The following LUZP2 variants were observed in gnomAD, a reference collection of about 807,000 sequenced individuals.
LUZP2 encodes leucine zipper protein 2.
Under a neutral mutation model 51.6 loss-of-function variants are expected in LUZP2, and 52 were observed. The observed-to-expected ratio is 1.01, with a 90% CI of 0.81 to 1.27. The LOEUF is 1.27. LUZP2 is among the 50% of genes most tolerant of loss of function. LUZP2 has a pLI of 0.00. For missense variants in LUZP2, 436 were observed against 395.4 expected, an observed-to-expected ratio of 1.10 and a Z score of -0.87; for synonymous variants, 154 against 137.3, an observed-to-expected ratio of 1.12 and a Z score of -0.85.
intron 5 of LUZP2, among the ~76,000 whole-genome samples, chr11:24,793,329 A>G (rs1431135608): frequency 6.6e-6 from 1 of 152,148 alleles, no homozygotes; most frequent in Non-Finnish European, 1.5e-5. Context: ...ACTTATTTCT[A>G]AACAATTCTG....
At chr11:24,548,613 T>C (rs1030402988) in intron 1 of LUZP2, among the ~76,000 whole-genome samples, 13 of 151,962 alleles carry the variant, frequency 8.6e-5, no homozygotes. Flanking sequence ...ATGCTTATTA[T>C]CTGGGTGACA....
chr11:24,519,911 C>T (rs760189179), intron 1 of LUZP2, among the ~76,000 whole-genome samples: 33 of 152,096 alleles, frequency 2.2e-4, no homozygotes, highest in Non-Finnish European at 2.9e-4. Context: ...AGCACAGTAC[C>T]TTTGTTCCTC....
intron 6 of LUZP2, among the ~76,000 whole-genome samples, chr11:24,906,860 C>T (rs550799660): frequency 3.3e-5 from 5 of 152,100 alleles, no homozygotes; most frequent in African/African-American, 1.2e-4. Context: ...ATGTCTTATA[C>T]CTAAGATGTA....
chr11:25,001,186 T>G (rs1442874489), intron 9 of LUZP2, among the ~76,000 whole-genome samples: 1 of 152,196 alleles, frequency 6.6e-6, no homozygotes, highest in Non-Finnish European at 1.5e-5. Flanking sequence ...TAATAAGACC[T>G]CATTCAGTCC....
intron 10 of LUZP2, 112 bp downstream of exon 10, chr11:25,050,242 A>G (rs1321377779): frequency 5.2e-6 from 2 of 388,132 alleles, no homozygotes; most frequent in Non-Finnish European, 9.1e-6. Flanking sequence ...AATATCTACT[A>G]TCTAAGGATT....
chr11:25,068,111 A>G (rs1331371088), intron 10 of LUZP2, among the ~76,000 whole-genome samples: 2 of 152,042 alleles, frequency 1.3e-5, no homozygotes. Context: ...TGGAAGTTGA[A>G]CAATGAGAAC....
At chr11:24,822,657 G>T (rs1023576132) in intron 5 of LUZP2, among the ~76,000 whole-genome samples, 7 of 152,064 alleles carry the variant, frequency 4.6e-5, no homozygotes, top group African/African-American at 1.7e-4. Flanking sequence ...TTTGTCCAGG[G>T]TCTCAGCATT....
At chr11:24,866,903 G>A (rs1326413608) in intron 5 of LUZP2, among the ~76,000 whole-genome samples, 2 of 152,104 alleles carry the variant, frequency 1.3e-5, no homozygotes, top group African/African-American at 4.8e-5. Flanking sequence ...ACAGGAGTTC[G>A]GTGGGAGATG....
At chr11:24,842,471 T>C (rs1490838541) in intron 5 of LUZP2, among the ~76,000 whole-genome samples, 2 of 151,898 alleles carry the variant, frequency 1.3e-5, no homozygotes, top group African/African-American at 4.8e-5. Context: ...TCTTTAGCAA[T>C]GTACACTATA....
intron 11 of LUZP2, among the ~76,000 whole-genome samples, chr11:25,077,741 C>T (rs1345330535): frequency 6.6e-6 from 1 of 152,116 alleles, no homozygotes; most frequent in Admixed American, 6.6e-5. Flanking sequence ...TGTGATCCTC[C>T]TGCCTCAGCC....
intron 5 of LUZP2, chr11:24,892,297 A>G: frequency 1.0e-6 from 1 of 985,406 alleles, no homozygotes; most frequent in Non-Finnish European, 1.2e-6. Flanking sequence ...GCACCTGAAG[A>G]CTTGTTGGCT....
chr11:24,792,998 T>C (rs1258469261), intron 5 of LUZP2, among the ~76,000 whole-genome samples: 1 of 152,220 alleles, frequency 6.6e-6, no homozygotes, highest in African/African-American at 2.4e-5. Flanking sequence ...ATTCATTGTC[T>C]TTCTTTGCCA....
chr11:24,716,731 A>G (rs533051659), intron 1 of LUZP2, among the ~76,000 whole-genome samples: 1 of 152,196 alleles, frequency 6.6e-6, no homozygotes, highest in Admixed American at 6.5e-5. Flanking sequence ...CCCTATCTGT[A>G]CTAAAAATAC....
At chr11:24,543,042 G>A (rs895586853) in intron 1 of LUZP2, among the ~76,000 whole-genome samples, 9 of 151,884 alleles carry the variant, frequency 5.9e-5, no homozygotes, top group Middle Eastern at 3.4e-3. Flanking sequence ...CTTTATTACC[G>A]GTGTGTTCAT....
Position 25,080,987 on chromosome 11 carries a change from T to C in LUZP2, c.*2329T>C, listed in dbSNP as rs1188741097. On this transcript the variant is annotated 3_prime_UTR_variant, in exon 12 of 12. Coordinates refer to ENST00000336930, the MANE Select transcript of LUZP2 (RefSeq NM_001009909.4). Reference sequence around the variant, plus strand: ...TGTTCTGTATATTCTAAATTCCTTTTATTAATTCCTGGCTTGATCAAGTGG... The same window carrying C: ...TGTTCTGTATATTCTAAATTCCTTTCATTAATTCCTGGCTTGATCAAGTGG... 6.6e-6 allele frequency: 1 copy of C among 151,916 alleles called. No individual in the cohort carries two copies. The highest frequency in any genetic ancestry group is 1.5e-5 in the Non-Finnish European group (1 of 67,988). 9.4% of individuals were successfully genotyped at this position (151,916 alleles called of 1,614,324 possible).
intron 1 of LUZP2, among the ~76,000 whole-genome samples, chr11:24,588,847 A>G (rs968460095): frequency 6.6e-6 from 1 of 151,328 alleles, no homozygotes; most frequent in Non-Finnish European, 1.5e-5. Flanking sequence ...AATCTCAATA[A>G]TTTTTTTTTA....
intron 1 of LUZP2, among the ~76,000 whole-genome samples, chr11:24,586,224 A>T (rs1347592677): frequency 6.6e-6 from 1 of 152,134 alleles, no homozygotes; most frequent in African/African-American, 2.4e-5. Flanking sequence ...GAAACAAAGA[A>T]TCTAAATTTT....
intron 1 of LUZP2, among the ~76,000 whole-genome samples, chr11:24,588,829 T>G (rs1853162347): frequency 6.6e-6 from 1 of 151,988 alleles, no homozygotes; most frequent in African/African-American, 2.4e-5. Flanking sequence ...ATTAAATAAC[T>G]TTCCTAAAAT....
chr11:24,540,111 G>T (rs1329104491), intron 1 of LUZP2, among the ~76,000 whole-genome samples: 2 of 151,978 alleles, frequency 1.3e-5, no homozygotes, highest in East Asian at 3.9e-4. Flanking sequence ...AACTTGCATT[G>T]TGGGGAAAAG....
Sources: gnomAD v4.1 joint callset for allele counts (sites outside exome capture counted in the v4.1 genomes callset) on GRCh38, gnomAD v4.1.1 for gene constraint, MANE v1.5 for transcripts, NCBI Gene and HGNC (gene_info 2026-07-23, HGNC 2026-07-21) for gene names.